KIF26B: variants seen among roughly 807,000 people sequenced by gnomAD.
The protein encoded by KIF26B is kinesin-like protein KIF26B.
A neutral mutation model predicts 151.2 loss-of-function variants in KIF26B; 63 were observed. That is an observed-to-expected ratio of 0.42 (90% CI 0.34 to 0.51). The LOEUF (loss-of-function observed/expected upper bound fraction) is 0.51. Ranked by LOEUF, KIF26B falls within the 20% of genes least tolerant of loss-of-function variation. The pLI is 0.07. For synonymous variants in KIF26B, 1,357 were observed against 1,262.1 expected (o/e 1.08, Z -1.59); for missense variants, 2,813 against 2,913.6 (o/e 0.97, Z 0.79).
At chr1:245,592,973 C>T (rs1427197533) in intron 5 of KIF26B, among the ~76,000 whole-genome samples, 1 of 152,076 alleles carries the variant, frequency 6.6e-6, no homozygotes, top group South Asian at 2.1e-4. Flanking sequence ...CCTGGATTTC[C>T]TGGCATTGGA....
Position 245,672,155 on chromosome 1 carries a change from C to G in KIF26B, c.2259-12078C>G, listed in dbSNP as rs550335976. Among the ~76,000 whole-genome samples the G allele has an allele frequency of 4.6e-5, 7 of 152,158 alleles. No individual in the cohort carries two copies. The South Asian group carries it at 1.5e-3, about 32-fold the overall frequency. The stretch of plus-strand genomic sequence containing the variant: ...AGTCTTGGTGGCATTGGGCAAGCCC[C>G]GAGGACTCCATCTCGGGGAATAACA... On this transcript the variant is annotated intron_variant, in intron 10 of 14. Transcript: ENST00000407071.
At chr1:245,173,549 G>A (rs1266691227) in intron 2 of KIF26B, among the ~76,000 whole-genome samples, 1 of 152,134 alleles carries the variant, frequency 6.6e-6, no homozygotes. Flanking sequence ...TCCACCCTAT[G>A]AGACAGGCCA....
chr1:245,348,376 A>G (rs1423514424), intron 2 of KIF26B, among the ~76,000 whole-genome samples: 1 of 152,168 alleles, frequency 6.6e-6, no homozygotes, highest in Non-Finnish European at 1.5e-5. Flanking sequence ...TAGTCTGCTC[A>G]GGCTGATATA....
chr1:245,342,178 G>A (rs1481815165), intron 2 of KIF26B, among the ~76,000 whole-genome samples: 1 of 152,244 alleles, frequency 6.6e-6, no homozygotes, highest in Middle Eastern at 3.4e-3. Context: ...CAGATTGTGC[G>A]CACATTAGTA....
At chr1:245,294,532 A>G (rs1362774846) in intron 2 of KIF26B, among the ~76,000 whole-genome samples, 2 of 152,182 alleles carry the variant, frequency 1.3e-5, no homozygotes, top group Non-Finnish European at 2.9e-5. Context: ...TCAACCAGGT[A>G]TGTAGCAGGC....
intron 10 of KIF26B, 27 bp downstream of exon 10, chr1:245,646,307 G>GT: frequency 1.2e-6 from 2 of 1,610,846 alleles, no homozygotes; most frequent in African/African-American, 1.3e-5. Context: ...CTCAAAGAAT[G>GT]TGGTGGGGTA....
chr1:245,651,348 G>A (rs899753269), intron 10 of KIF26B, among the ~76,000 whole-genome samples: 1 of 152,220 alleles, frequency 6.6e-6, no homozygotes, highest in Non-Finnish European at 1.5e-5. Flanking sequence ...TCCAAGAGAG[G>A]GTGGGGTTCT....
intron 10 of KIF26B, among the ~76,000 whole-genome samples, chr1:245,669,225 A>G (rs981654744): frequency 6.6e-6 from 1 of 152,216 alleles, no homozygotes; most frequent in African/African-American, 2.4e-5. Flanking sequence ...AGCACAGGGA[A>G]TCATGGGCCA....
At chr1:245,456,453 C>G (rs888506075) in intron 4 of KIF26B, among the ~76,000 whole-genome samples, 1 of 152,162 alleles carries the variant, frequency 6.6e-6, no homozygotes, top group Non-Finnish European at 1.5e-5. Flanking sequence ...ATATGAATGC[C>G]CAGTTTCTGG....
In KIF26B at chr1:245,628,694, A is replaced by T. The variant is rs984941089; in HGVS notation, c.2098+16718A>T. ...CATTCCCTTTGAAAACCAGCACAAG[A>T]CAAGGATGCCCTCTCTCAGCACTCC... On this transcript the variant is annotated intron_variant, in intron 9 of 14. Transcript: ENST00000407071. Among the ~76,000 whole-genome samples the T allele has an allele frequency of 5.3e-5, 8 of 152,346 alleles. No individual in the cohort carries two copies. The South Asian group carries it at 8.3e-4, about 16-fold the overall frequency.
In KIF26B at chr1:245,699,008, T is replaced by C. The variant is rs1438560842; in HGVS notation, c.6149T>C (p.Met2050Thr). 1 of 1,613,998 alleles carries C rather than the reference T, an allele frequency of 6.2e-7. No individual in the cohort carries two copies. Among genetic ancestry groups the C allele is most frequent in the East Asian group, 2.2e-5 (1 of 44,882 alleles). Residue 2050 changes from methionine (M) to threonine (T), a missense_variant, in exon 14 of 15, where the codon ATG (methionine) becomes ACG (threonine). Transcript: ENST00000407071. ...KELEATKQYL[M>T]LDPNKWLSEF... ...CTGGAGGCGACCAAACAGTATCTGA[T>C]GCTGGATCCCAACAAGTGGCTCAGT... is the stretch of plus-strand genomic sequence containing the variant.
chr1:245,556,377 C>CCTT (rs1213186494), intron 5 of KIF26B, among the ~76,000 whole-genome samples: 1 of 137,804 alleles, frequency 7.3e-6, no homozygotes, highest in Non-Finnish European at 1.5e-5. Flanking sequence ...TCTTCTTCCT[C>CCTT]CTTCTTCTTC....
At chr1:245,228,559 C>G (rs898538477) in intron 2 of KIF26B, among the ~76,000 whole-genome samples, 1 of 147,278 alleles carries the variant, frequency 6.8e-6, no homozygotes, top group Non-Finnish European at 1.5e-5. Context: ...AGAGCAAAAA[C>G]TCCATCTCAA....
intron 2 of KIF26B, among the ~76,000 whole-genome samples, chr1:245,323,220 C>T (rs1671921303): frequency 1.3e-5 from 2 of 148,780 alleles, no homozygotes; most frequent in Admixed American, 6.6e-5. Context: ...GTGGTTGTGA[C>T]GTATGTATTT....
chr1:245,351,302 T>C (rs2103000612), intron 2 of KIF26B, among the ~76,000 whole-genome samples: 1 of 152,322 alleles, frequency 6.6e-6, no homozygotes, highest in South Asian at 2.1e-4. Context: ...ACGTGGGCCT[T>C]GAGCTCCCTA....
rs567731600 is a variant in KIF26B, at chr1:245,496,842, A to G, written c.1167-43925A>G. ...GTAAGGACAAAAAGAAGTTGAAGATAAAAGAATGAAAAAAAGATATACCTT... is the reference window on the plus strand; with the variant it reads ...GTAAGGACAAAAAGAAGTTGAAGATGAAAGAATGAAAAAAAGATATACCTT... On this transcript the variant is annotated intron_variant, in intron 4 of 14. Transcript: ENST00000407071. Among the ~76,000 whole-genome samples the G allele has an allele frequency of 7.3e-5, 11 of 151,654 alleles. No homozygotes were observed. The South Asian group carries it at 2.1e-3, about 29-fold the overall frequency.
rs1661475990 is a variant in KIF26B at position 245,535,780 on chromosome 1, T to C, written c.1167-4987T>C. Among the ~76,000 whole-genome samples the C allele has an allele frequency of 2.0e-5, 3 of 152,218 alleles. No homozygotes were observed. The South Asian group carries it at 6.2e-4, about 32-fold the overall frequency. On this transcript the variant is annotated intron_variant, in intron 4 of 14. Transcript: ENST00000407071. ...ACAATACGGTACAATACAGGACACATAGGCCTAGATTCAGCCTTGGCTCTA... is the reference window on the plus strand; with the variant it reads ...ACAATACGGTACAATACAGGACACACAGGCCTAGATTCAGCCTTGGCTCTA...
At chr1:245,622,037 C>T (rs891925792) in intron 9 of KIF26B, among the ~76,000 whole-genome samples, 2 of 152,198 alleles carry the variant, frequency 1.3e-5, no homozygotes, top group Non-Finnish European at 2.9e-5. Context: ...TGGTCTCTGT[C>T]TTTGCCCTTT....
chr1:245,674,375 A>C (rs1260970692), intron 10 of KIF26B, among the ~76,000 whole-genome samples: 1 of 152,244 alleles, frequency 6.6e-6, no homozygotes, highest in East Asian at 1.9e-4. Flanking sequence ...CAGTAATGAT[A>C]TAAACATCAT....
Sources: allele counts gnomAD v4.1 joint callset (sites outside exome capture counted in the v4.1 genomes callset), GRCh38; gene constraint gnomAD v4.1.1; transcripts MANE v1.5; gene names NCBI Gene and HGNC (gene_info 2026-07-23, HGNC 2026-07-21).